Variants in MPPED2 observed in about 807,000 individuals in gnomAD.
The protein encoded by MPPED2 is metallophosphoesterase MPPED2.
Under a neutral mutation model 33.0 loss-of-function variants are expected in MPPED2, and 5 were observed. That is an observed-to-expected ratio of 0.15 (90% confidence interval 0.08 to 0.32). The LOEUF (loss-of-function observed/expected upper bound fraction) is 0.32, where lower values mean the gene tolerates loss of function less well. Ranked by LOEUF, MPPED2 falls within the 10% of genes least tolerant of loss-of-function variation. The probability of loss-of-function intolerance (pLI) is 1.00; values close to 1 mark genes in which losing one functional copy is unlikely to be tolerated. For synonymous variants in MPPED2, 136 were observed against 141.9 expected (o/e 0.96, Z 0.29); for missense variants, 275 against 372.1 (o/e 0.74, Z 2.15).
At chr11:30,488,859 AAC>A (rs10643971) in intron 4 of MPPED2, among the ~76,000 whole-genome samples, 13 of 150,890 alleles carry the variant, frequency 8.6e-5, no homozygotes, top group African/African-American at 1.2e-4. Flanking sequence ...ATATTTGTTT[AAC>A]ACACACACAC....
At chr11:30,458,656 G>A (rs1281223366) in intron 4 of MPPED2, among the ~76,000 whole-genome samples, 2 of 152,154 alleles carry the variant, frequency 1.3e-5, no homozygotes, top group African/African-American at 4.8e-5. Context: ...TTCAAAGTCA[G>A]TTGTTCTCAC....
intron 4 of MPPED2, among the ~76,000 whole-genome samples, chr11:30,456,602 C>T (rs1321461444): frequency 7.9e-5 from 12 of 151,932 alleles, no homozygotes; most frequent in Admixed American, 7.9e-4. Context: ...GTAGAGGAAT[C>T]CATGTACTTG....
At chr11:30,523,791 G>A (rs1195887954) in intron 3 of MPPED2, among the ~76,000 whole-genome samples, 1 of 151,756 alleles carries the variant, frequency 6.6e-6, no homozygotes, top group East Asian at 2.0e-4. Context: ...CTAGCATTCA[G>A]CGGAGGAAAA....
chr11:30,495,655 C>T, intron 3 of MPPED2, 134 bp from the exon 4 acceptor site: 1 of 651,958 alleles, frequency 1.5e-6, no homozygotes, highest in Non-Finnish European at 2.7e-6. Context: ...TCCATGTGAA[C>T]TGGAATTTAT....
At chr11:30,399,838 T>C (rs971569295) in intron 6 of MPPED2, among the ~76,000 whole-genome samples, 19 of 152,304 alleles carry the variant, frequency 1.2e-4, no homozygotes, top group Admixed American at 5.2e-4. Flanking sequence ...GATATGTACA[T>C]ATTTAAACTT....
At chr11:30,446,012 T>G (rs1051038966) in intron 4 of MPPED2, among the ~76,000 whole-genome samples, 1 of 152,228 alleles carries the variant, frequency 6.6e-6, no homozygotes, top group African/African-American at 2.4e-5. Flanking sequence ...CAGTGGCATG[T>G]GTACATGTGT....
At chr11:30,543,057 A>T (rs1249337941) in intron 2 of MPPED2, among the ~76,000 whole-genome samples, 1 of 152,206 alleles carries the variant, frequency 6.6e-6, no homozygotes, top group East Asian at 1.9e-4. Flanking sequence ...AAGTGAAGTA[A>T]TGACTTCTCC....
intron 3 of MPPED2, among the ~76,000 whole-genome samples, chr11:30,527,478 G>A (rs1954262846): frequency 6.6e-6 from 1 of 151,906 alleles, no homozygotes; most frequent in South Asian, 2.1e-4. Context: ...GGAAGGAGGG[G>A]TGGTGACGCT....
At chr11:30,581,089 C>T (rs1957144198) in intron 1 of MPPED2, among the ~76,000 whole-genome samples, 1 of 152,162 alleles carries the variant, frequency 6.6e-6, no homozygotes, top group African/African-American at 2.4e-5. Flanking sequence ...TCCTCACTGG[C>T]CCAGAACCTT....
chr11:30,390,477 C>A (rs1249178892), intron 6 of MPPED2, among the ~76,000 whole-genome samples: 2 of 152,194 alleles, frequency 1.3e-5, no homozygotes, highest in African/African-American at 4.8e-5. Context: ...GCCCTGAAAC[C>A]ATCCTTTGGT....
At chr11:30,572,121 A>T (rs1463018884) in intron 2 of MPPED2, among the ~76,000 whole-genome samples, 1 of 152,090 alleles carries the variant, frequency 6.6e-6, no homozygotes, top group Non-Finnish European at 1.5e-5. Context: ...CAAACCCAAA[A>T]TCCAGGTATA....
chr11:30,552,715 A>T (rs1955772721), intron 2 of MPPED2, among the ~76,000 whole-genome samples: 1 of 152,046 alleles, frequency 6.6e-6, no homozygotes. Flanking sequence ...TTCACAGGTT[A>T]GTTTTGTCAC....
intron 3 of MPPED2, among the ~76,000 whole-genome samples, chr11:30,509,882 A>G (rs1953056156): frequency 6.6e-6 from 1 of 152,192 alleles, no homozygotes; most frequent in Admixed American, 6.5e-5. Context: ...GCAATTCAGA[A>G]CTTCTGATTT....
intron 4 of MPPED2, among the ~76,000 whole-genome samples, chr11:30,459,986 TGTA>T (rs1255844402): frequency 6.6e-6 from 1 of 152,172 alleles, no homozygotes; most frequent in Non-Finnish European, 1.5e-5. Flanking sequence ...TGCTTCACTT[TGTA>T]GACCACATGG....
chr11:30,413,728 T>C (rs1291281641), intron 6 of MPPED2, among the ~76,000 whole-genome samples: 1 of 152,248 alleles, frequency 6.6e-6, no homozygotes, highest in Non-Finnish European at 1.5e-5. Context: ...TTCTGTTACA[T>C]ATCTTTCATT....
intron 6 of MPPED2, among the ~76,000 whole-genome samples, chr11:30,392,954 T>C (rs945613903): frequency 1.3e-5 from 2 of 152,122 alleles, no homozygotes; most frequent in Admixed American, 1.3e-4. Flanking sequence ...GGTCCTGGCA[T>C]TTTGTCAGCT....
At chr11:30,426,928 C>T (rs1421602988) in intron 4 of MPPED2, among the ~76,000 whole-genome samples, 3 of 152,120 alleles carry the variant, frequency 2.0e-5, no homozygotes, top group African/African-American at 4.8e-5. Context: ...GACCACAACA[C>T]ACAAAAACCC....
chr11:30,557,365 C>A (rs1956022495), intron 2 of MPPED2, among the ~76,000 whole-genome samples: 1 of 151,540 alleles, frequency 6.6e-6, no homozygotes, highest in African/African-American at 2.4e-5. Context: ...TCCTATAATG[C>A]AAAATATAAG....
intron 4 of MPPED2, among the ~76,000 whole-genome samples, chr11:30,451,390 C>T (rs1189912262): frequency 6.6e-6 from 1 of 152,168 alleles, no homozygotes; most frequent in Non-Finnish European, 1.5e-5. Flanking sequence ...CTAACCTGGC[C>T]CCCCTGCAGT....
Sources: gnomAD v4.1 joint callset for allele counts (sites outside exome capture counted in the v4.1 genomes callset) on GRCh38, gnomAD v4.1.1 for gene constraint, MANE v1.5 for transcripts, NCBI Gene and HGNC (gene_info 2026-07-23, HGNC 2026-07-21) for gene names.